Variants in RBL1 observed in about 807,000 individuals in gnomAD.
RBL1 encodes retinoblastoma-like protein 1.
A neutral mutation model predicts 123.0 loss-of-function variants in RBL1; 82 were observed. The ratio of observed to expected loss-of-function variants is 0.67; its 90% confidence interval spans 0.56 to 0.80. The LOEUF (loss-of-function observed/expected upper bound fraction) is 0.80. Among genes scored for constraint, RBL1 ranks in the 30% least tolerant of loss-of-function variants. RBL1 has a pLI of 0.00. For missense variants in RBL1, 1,171 were observed against 1,299.6 expected, an observed-to-expected ratio of 0.90 and a Z score of 1.52; for synonymous variants, 405 against 441.3, an observed-to-expected ratio of 0.92 and a Z score of 1.03.
intron 9 of RBL1, among the ~76,000 whole-genome samples, chr20:37,059,229 C>T (rs1448635383): frequency 1.3e-5 from 2 of 152,146 alleles, no homozygotes; most frequent in Non-Finnish European, 2.9e-5. Flanking sequence ...TGGCAGTATG[C>T]TTTTCTTCTG....
At chr20:36,999,474 T>TCTCCCCACGGTCTC (rs2063929306) in intron 21 of RBL1, among the ~76,000 whole-genome samples, 1 of 142,372 alleles carries the variant, frequency 7.0e-6, no homozygotes, top group African/African-American at 2.8e-5. Flanking sequence ...TCCCTCTCCC[T>TCTCCCCACGGTCTC]CCTCTCCCTC....
At chr20:37,067,173 T>A in intron 4 of RBL1, 52 bp from the exon 5 acceptor site, 1 of 1,569,114 alleles carries the variant, frequency 6.4e-7, no homozygotes, top group Non-Finnish European at 8.6e-7. Flanking sequence ...AAACCTCTCA[T>A]GTCAAATAGC....
chr20:37,067,259 C>T lies in RBL1; in HGVS notation c.530G>A (p.Cys177Tyr). ...CTTAGTATAAACAAAAAGTGTCCAACAGAAATTAAACAGATCCTTAACACT... is the reference window on the plus strand; with the variant it reads ...CTTAGTATAAACAAAAAGTGTCCAATAGAAATTAAACAGATCCTTAACACT... Reference protein sequence around the residue: ...PCSVKDLFNFCWTLFVYTKGN... With the variant: ...PCSVKDLFNFYWTLFVYTKGN... Residue 177 changes from cysteine to tyrosine, a missense_variant, in exon 4 of 22, where the codon TGT (cysteine) becomes TAT (tyrosine). Physicochemically the swap from Cys to Tyr is radical, Grantham distance 194. Transcript: ENST00000373664. The T allele has an allele frequency of 1.2e-6, 2 of 1,606,250 alleles. No individual in the cohort carries two copies. The highest frequency in any genetic ancestry group is 1.7e-6 in the Non-Finnish European group (2 of 1,177,996).
At position 37,080,020 on chromosome 20, in the gene RBL1, C is replaced by T. The variant is rs2040829883; in HGVS notation, c.290+8969G>A. Reference sequence around the variant, plus strand: ...AATAAATTTAAAAAAATAGTCAAGGCTGGAATTTAATAATAGGTATGCTAT... The same window carrying T: ...AATAAATTTAAAAAAATAGTCAAGGTTGGAATTTAATAATAGGTATGCTAT... On this transcript the variant is annotated intron_variant, in intron 2 of 21. Transcript: ENST00000373664. Among the ~76,000 whole-genome samples, 3 of 151,672 alleles carry T rather than the reference C, an allele frequency of 2.0e-5. 1 individual carries two copies. In the South Asian group the frequency reaches 6.2e-4, roughly 31 times the overall value.
At chr20:37,079,366 T>C (rs1324510983) in intron 2 of RBL1, among the ~76,000 whole-genome samples, 3 of 152,114 alleles carry the variant, frequency 2.0e-5, no homozygotes, top group African/African-American at 4.8e-5. Flanking sequence ...ATATCGGCCA[T>C]TAACTTAGTG....
At chr20:37,054,959 T>G (rs973473226) in intron 11 of RBL1, among the ~76,000 whole-genome samples, 18 of 152,064 alleles carry the variant, frequency 1.2e-4, no homozygotes, top group African/African-American at 4.1e-4. Context: ...GAAAAAAATT[T>G]CCAGGTAAAC....
chr20:37,070,317 G>A (rs969082665), intron 2 of RBL1, among the ~76,000 whole-genome samples: 2 of 152,102 alleles, frequency 1.3e-5, no homozygotes, highest in African/African-American at 4.8e-5. Context: ...CAAGTTCCCA[G>A]GGACACAAAC....
intron 2 of RBL1, among the ~76,000 whole-genome samples, chr20:37,078,882 G>T (rs992953835): frequency 2.7e-5 from 4 of 148,984 alleles, no homozygotes; most frequent in African/African-American, 7.6e-5. Flanking sequence ...GTCTTTTTTT[G>T]GGGGGCGGGC....
chr20:37,078,474 G>T (rs2065398151), intron 2 of RBL1, among the ~76,000 whole-genome samples: 1 of 152,024 alleles, frequency 6.6e-6, no homozygotes, highest in Admixed American at 6.6e-5. Context: ...TCTAATAACG[G>T]GAGTCTACCA....
intron 21 of RBL1, among the ~76,000 whole-genome samples, chr20:36,999,860 T>C (rs1366688334): frequency 1.3e-5 from 2 of 152,256 alleles, no homozygotes; most frequent in East Asian, 3.9e-4. Flanking sequence ...ACTTCCCAGC[T>C]GCCTGCCTTG....
chr20:37,013,146 G>C (rs909952745), intron 19 of RBL1, among the ~76,000 whole-genome samples: 8 of 151,984 alleles, frequency 5.3e-5, no homozygotes, highest in African/African-American at 1.9e-4. Context: ...GGAATAGAAA[G>C]GGGGGAAAGG....
chr20:37,070,115 T>C (rs1160454694), intron 2 of RBL1, among the ~76,000 whole-genome samples: 1 of 152,244 alleles, frequency 6.6e-6, no homozygotes, highest in African/African-American at 2.4e-5. Flanking sequence ...TTTCATTTTG[T>C]TCTGTACTAA....
chr20:37,022,644 C>T lies in RBL1; in HGVS notation c.2559+6G>A. On this transcript the variant is annotated splice_donor_region_variant and intron_variant, in intron 17 of 21. Coordinates refer to ENST00000373664, the MANE Select transcript of RBL1 (RefSeq NM_002895.5). ...GCCCAGCCTCTTCTCCCAATTTATA[C>T]ATTACCTTTGCCATGATATAAAAGG... is the stretch of plus-strand genomic sequence containing the variant. 3 of 1,601,968 alleles carry T rather than the reference C, an allele frequency of 1.9e-6. No homozygotes were observed. Among genetic ancestry groups the T allele is most frequent in the Non-Finnish European group, 2.6e-6 (3 of 1,173,142 alleles).
chr20:37,052,651 G>A (rs540573537), intron 11 of RBL1, among the ~76,000 whole-genome samples: 21 of 152,048 alleles, frequency 1.4e-4, no homozygotes, highest in Non-Finnish European at 2.4e-4. Context: ...CTGGGACTAC[G>A]GGCATGCGCC....
At chr20:37,067,747 G>A (rs1450381156) in intron 3 of RBL1, among the ~76,000 whole-genome samples, 2 of 123,714 alleles carry the variant, frequency 1.6e-5, no homozygotes, top group African/African-American at 3.0e-5. Context: ...TCCAGCCTGG[G>A]CAACAGAATG....
At chr20:37,009,379 T>C (rs753759503) in intron 19 of RBL1, among the ~76,000 whole-genome samples, 7 of 152,200 alleles carry the variant, frequency 4.6e-5, no homozygotes, top group Non-Finnish European at 7.3e-5. Context: ...GGATACTGGC[T>C]TGTTAACAGC....
chr20:37,058,579 T>A (rs527727801), intron 9 of RBL1, among the ~76,000 whole-genome samples: 15 of 151,976 alleles, frequency 9.9e-5, no homozygotes, highest in South Asian at 2.1e-4. Context: ...TTTGTTTTTT[T>A]GTTTTTGTAG....
intron 19 of RBL1, among the ~76,000 whole-genome samples, chr20:37,017,240 G>A (rs568598062): frequency 6.6e-6 from 1 of 151,982 alleles, no homozygotes; most frequent in African/African-American, 2.4e-5. Flanking sequence ...CAGGGTGATG[G>A]TGCATGCCTG....
chr20:37,015,078 A>G (rs915138552), intron 19 of RBL1, among the ~76,000 whole-genome samples: 1 of 151,498 alleles, frequency 6.6e-6, no homozygotes, highest in Non-Finnish European at 1.5e-5. Flanking sequence ...AAAAAAAAAA[A>G]AAAAAGAAAG....
Sources: allele counts gnomAD v4.1 joint callset (sites outside exome capture counted in the v4.1 genomes callset), GRCh38; gene constraint gnomAD v4.1.1; transcripts MANE v1.5; gene names NCBI Gene and HGNC (gene_info 2026-07-23, HGNC 2026-07-21).